Variants in MYO1D observed in about 807,000 individuals in gnomAD.
The protein encoded by MYO1D is myosin ID, also known as unconventional myosin-Id.
In MYO1D, 83 loss-of-function variants were observed where a neutral mutation model predicts 122.0. The ratio of observed to expected loss-of-function variants is 0.68; its 90% CI spans 0.57 to 0.82. The LOEUF is 0.82. Among genes scored for constraint, MYO1D ranks in the 40% least tolerant of loss-of-function variants. The pLI is 0.00. For missense variants in MYO1D, 1,157 were observed against 1,269.5 expected (o/e 0.91, Z 1.35); for synonymous variants, 464 against 446.9 (o/e 1.04, Z -0.48).
intron 16 of MYO1D, among the ~76,000 whole-genome samples, chr17:32,676,936 G>A (rs1299602822): frequency 6.6e-6 from 1 of 151,722 alleles, no homozygotes; most frequent in East Asian, 1.9e-4. Flanking sequence ...TCAGCCTCCT[G>A]AGTGGCTGGG....
chr17:32,582,811 A>T (rs2087354244), intron 21 of MYO1D, among the ~76,000 whole-genome samples: 1 of 152,112 alleles, frequency 6.6e-6, no homozygotes, highest in Non-Finnish European at 1.5e-5. Flanking sequence ...TGCTTTATAC[A>T]TTTTGAAATT....
At chr17:32,694,901 A>G (rs558853666) in intron 16 of MYO1D, among the ~76,000 whole-genome samples, 52 of 152,114 alleles carry the variant, frequency 3.4e-4, no homozygotes, top group African/African-American at 1.2e-3. Context: ...TGTCAGTGAT[A>G]CCAGCTATCC....
intron 21 of MYO1D, among the ~76,000 whole-genome samples, chr17:32,603,814 T>C (rs559415330): frequency 2.6e-5 from 4 of 152,302 alleles, no homozygotes; most frequent in African/African-American, 9.6e-5. Context: ...CGTGAGCCAC[T>C]GCGCCTGGCC....
At chr17:32,682,477 T>C (rs2088933946) in intron 16 of MYO1D, among the ~76,000 whole-genome samples, 1 of 151,050 alleles carries the variant, frequency 6.6e-6, no homozygotes, top group Non-Finnish European at 1.5e-5. Flanking sequence ...CATTTGCTTG[T>C]CTGTAAAGGA....
intron 6 of MYO1D, among the ~76,000 whole-genome samples, chr17:32,770,012 C>G (rs996802025): frequency 1.3e-5 from 2 of 152,192 alleles, no homozygotes; most frequent in African/African-American, 2.4e-5. Context: ...TTAAGTGCCT[C>G]TGGCTAGTTC....
chr17:32,800,079 A>G (rs1442910167), intron 1 of MYO1D, among the ~76,000 whole-genome samples: 2 of 152,174 alleles, frequency 1.3e-5, no homozygotes, highest in Admixed American at 1.3e-4. Context: ...ACCCTTGTAC[A>G]CTGTAGGTGG....
chr17:32,566,683 ATAG>A (rs986362761), intron 21 of MYO1D, among the ~76,000 whole-genome samples: 30 of 151,546 alleles, frequency 2.0e-4, no homozygotes, highest in Admixed American at 1.9e-3. Context: ...GAATCAATTA[ATAG>A]TAGTAACATG....
Position 32,526,797 on chromosome 17 carries a change from C to T in MYO1D, c.2865-31882G>A, listed in dbSNP as rs150609609. Among the ~76,000 whole-genome samples, 37 of 152,300 alleles carry T rather than the reference C, an allele frequency of 2.4e-4. 1 individual carries two copies. The highest frequency in any genetic ancestry group is 5.3e-4 in the African/African-American group (22 of 41,576). Reference sequence around the variant, plus strand: ...CTTCCCAAAGTGCTGGGACTAGAGGCGTGAGCTACCGTGCCCAGCCAAGGC... The same window carrying T: ...CTTCCCAAAGTGCTGGGACTAGAGGTGTGAGCTACCGTGCCCAGCCAAGGC... On this transcript the variant is annotated intron_variant, in intron 21 of 21. Coordinates refer to ENST00000318217, the MANE Select transcript of MYO1D (RefSeq NM_015194.3).
At chr17:32,842,886 C>CTTTTTTTTTTT (rs34927176) in intron 1 of MYO1D, among the ~76,000 whole-genome samples, 46 of 104,452 alleles carry the variant, frequency 4.4e-4, no homozygotes, top group South Asian at 9.5e-4. Context: ...CTATTTCTTT[C>CTTTTTTTTTTT]TTTTTTTTTT....
intron 20 of MYO1D, among the ~76,000 whole-genome samples, chr17:32,616,476 T>G (rs2087770006): frequency 7.5e-6 from 1 of 133,570 alleles, no homozygotes; most frequent in Admixed American, 8.0e-5. Context: ...TCTGACTAAT[T>G]AAAAACTTTT....
intron 1 of MYO1D, among the ~76,000 whole-genome samples, chr17:32,795,583 A>G (rs1373747535): frequency 6.6e-6 from 1 of 152,202 alleles, no homozygotes; most frequent in Non-Finnish European, 1.5e-5. Context: ...ATACAATGTC[A>G]GCACATGAAT....
intron 8 of MYO1D, among the ~76,000 whole-genome samples, chr17:32,763,408 A>G (rs965110488): frequency 6.6e-6 from 1 of 152,212 alleles, no homozygotes; most frequent in Non-Finnish European, 1.5e-5. Flanking sequence ...CAGATAACAA[A>G]GGGTTAAAGT....
rs1362449544 is a variant in MYO1D, at chr17:32,520,023, C to T, written c.2865-25108G>A. Among the ~76,000 whole-genome samples the T allele has an allele frequency of 2.0e-5, 3 of 152,036 alleles. No homozygotes were observed. The East Asian group carries it at 5.8e-4, about 29-fold the overall frequency. The stretch of plus-strand genomic sequence containing the variant: ...CCCTGAAGACTCAGGCCCACAGGAG[C>T]CATACTGCAGCAGTTTGCTTTACGT... On this transcript the variant is annotated intron_variant, in intron 21 of 21. Transcript: ENST00000318217.
chr17:32,566,398 A>G (rs908283337), intron 21 of MYO1D, among the ~76,000 whole-genome samples: 1 of 152,106 alleles, frequency 6.6e-6, no homozygotes, highest in Non-Finnish European at 1.5e-5. Flanking sequence ...CATTCCTGGC[A>G]CAGGGCACGG....
At chr17:32,635,176 T>G (rs570264925) in intron 20 of MYO1D, among the ~76,000 whole-genome samples, 1 of 152,296 alleles carries the variant, frequency 6.6e-6, no homozygotes, top group East Asian at 1.9e-4. Context: ...GACTCAGACC[T>G]TAGCCTAAAG....
chr17:32,750,374 G>A (rs1399417313), intron 11 of MYO1D, among the ~76,000 whole-genome samples: 1 of 152,150 alleles, frequency 6.6e-6, no homozygotes, highest in Non-Finnish European at 1.5e-5. Context: ...AGCACTTTGG[G>A]AAGCTGAGGC....
In MYO1D at chr17:32,633,590, T is replaced by G. The variant is rs1204214404; in HGVS notation, c.2709+5132A>C. 2.0e-5 allele frequency among the ~76,000 whole-genome samples: 3 copies of G among 152,218 alleles called. No homozygotes were observed. The East Asian group carries it at 5.8e-4, about 29-fold the overall frequency. On this transcript the variant is annotated intron_variant, in intron 20 of 21. Transcript: ENST00000318217. ...TTATTAGGGTATAACATGCATGCCCTAGAGTGCACAAATCTCAAGTAAACA... is the reference window on the plus strand; with the variant it reads ...TTATTAGGGTATAACATGCATGCCCGAGAGTGCACAAATCTCAAGTAAACA...
intron 1 of MYO1D, among the ~76,000 whole-genome samples, chr17:32,826,849 A>G (rs983477221): frequency 3.3e-5 from 5 of 152,260 alleles, no homozygotes; most frequent in African/African-American, 9.6e-5. Context: ...AGTTGAAAAC[A>G]TATACATATA....
At chr17:32,742,968 C>G (rs1416042634) in intron 13 of MYO1D, among the ~76,000 whole-genome samples, 1 of 152,228 alleles carries the variant, frequency 6.6e-6, no homozygotes, top group Non-Finnish European at 1.5e-5. Flanking sequence ...ATTAGCAAAT[C>G]CAATGGTCAA....
Sources: allele counts gnomAD v4.1 joint callset (sites outside exome capture counted in the v4.1 genomes callset), GRCh38; gene constraint gnomAD v4.1.1; transcripts MANE v1.5; gene names NCBI Gene and HGNC (gene_info 2026-07-23, HGNC 2026-07-21).